Variants in G3BP2 observed in about 807,000 individuals in gnomAD.
G3BP2 encodes the protein G3BP stress granule assembly factor 2.
G3BP2 carries 11 observed loss-of-function variants against 56.7 expected under a neutral mutation model. The observed-to-expected ratio is 0.19, with a 90% CI of 0.12 to 0.32. G3BP2 has a LOEUF of 0.32. G3BP2 is among the 10% of genes least tolerant of loss of function. The pLI is 1.00. For synonymous variants in G3BP2, 165 were observed against 191.6 expected (o/e 0.86, Z 1.15); for missense variants, 340 against 610.9 (o/e 0.56, Z 4.67).
At chr4:75,682,751 G>A (rs1002157409) in intron 3 of G3BP2, among the ~76,000 whole-genome samples, 6 of 152,094 alleles carry the variant, frequency 3.9e-5, no homozygotes, top group Admixed American at 1.3e-4. Flanking sequence ...GGAGGCCAAG[G>A]CGGGCAGATC....
chr4:75,658,153 T>C (rs17000735), intron 3 of G3BP2, among the ~76,000 whole-genome samples: 1,568 of 152,338 alleles, frequency 0.01, 33 homozygotes, highest in African/African-American at 0.036. Context: ...ATAGGAAACA[T>C]ACATTTCTGT....
intron 3 of G3BP2, among the ~76,000 whole-genome samples, chr4:75,685,969 A>C (rs1718582870): frequency 6.6e-6 from 1 of 152,216 alleles, no homozygotes; most frequent in South Asian, 2.1e-4. Flanking sequence ...GAAGAAAGGA[A>C]GGGAAGTGTG....
At chr4:75,664,018 G>C (rs1382101420) in intron 1 of G3BP2, among the ~76,000 whole-genome samples, 1 of 150,576 alleles carries the variant, frequency 6.6e-6, no homozygotes, top group Admixed American at 6.6e-5. Flanking sequence ...CGAGTAGCTG[G>C]GACTACAGGC....
At chr4:75,655,275 A>G (rs772188629) in intron 6 of G3BP2, 29 bp from the exon 7 acceptor site, 1 of 1,519,418 alleles carries the variant, frequency 6.6e-7, no homozygotes, top group East Asian at 2.3e-5. Context: ...TTCACTTTTT[A>G]GTAGGAGTTC....
chr4:75,651,575 T>C (rs75757172), intron 8 of G3BP2, among the ~76,000 whole-genome samples: 1,567 of 152,340 alleles, frequency 0.01, 33 homozygotes, highest in African/African-American at 0.036. Context: ...AGTAACTGAT[T>C]GACATATGTT....
Position 75,650,074 on chromosome 4 carries a change from C to T in G3BP2, c.826-1333G>A, listed in dbSNP as rs544706772. Reference sequence around the variant, plus strand: ...TCTCTGAGGACCTCAGTCCATGCAGCGGCTCAAACTCTTTAATCATTTATA... The same window carrying T: ...TCTCTGAGGACCTCAGTCCATGCAGTGGCTCAAACTCTTTAATCATTTATA... On this transcript the variant is annotated intron_variant, in intron 8 of 11. Transcript: ENST00000359707. 1.2e-4 allele frequency among the ~76,000 whole-genome samples: 18 copies of T among 152,164 alleles called. 1 individual carries two copies. Among genetic ancestry groups the T allele is most frequent in the African/African-American group, 4.1e-4 (17 of 41,522 alleles).
chr4:75,705,964 T>TATATAC (rs1196330471), intron 3 of G3BP2, among the ~76,000 whole-genome samples: 2 of 152,160 alleles, frequency 1.3e-5, no homozygotes, highest in Admixed American at 1.3e-4. Flanking sequence ...ATACACAATA[T>TATATAC]ATATACATAT....
intron 3 of G3BP2, among the ~76,000 whole-genome samples, chr4:75,658,538 C>T (rs1732287322): frequency 6.6e-6 from 1 of 151,640 alleles, no homozygotes; most frequent in Admixed American, 6.6e-5. Flanking sequence ...CGAGACCAGC[C>T]TCAACATAGA....
chr4:75,710,969 T>C (rs2086443532), intron 3 of G3BP2, among the ~76,000 whole-genome samples: 2 of 152,180 alleles, frequency 1.3e-5, no homozygotes, highest in South Asian at 4.1e-4. Flanking sequence ...TGGCCCTGTC[T>C]GGCTTTATTT....
intron 3 of G3BP2, among the ~76,000 whole-genome samples, chr4:75,686,565 G>A (rs1308910634): frequency 2.4e-4 from 34 of 142,064 alleles, no homozygotes; most frequent in African/African-American, 7.4e-4. Flanking sequence ...GGTGGGTGGC[G>A]GGGGGTGGGG....
rs149135250 is a variant in G3BP2, at chr4:75,658,953, T to C, written c.96-29A>G. On this transcript the variant is annotated intron_variant, in intron 2 of 11. Coordinates refer to ENST00000359707, the MANE Select transcript of G3BP2 (RefSeq NM_203505.3). ...CAAAACCATAATTAATGATTAACAC[T>C]GAATTGTCAAGAGAAGCCTAAGAAG... 7.6e-5 allele frequency: 115 copies of C among 1,504,676 alleles called. No homozygotes were observed. In the East Asian group the frequency reaches 2.4e-3, roughly 32 times the overall value. 93.2% of individuals were successfully genotyped at this position (1,504,676 alleles called of 1,614,324 possible).
intron 1 of G3BP2, among the ~76,000 whole-genome samples, chr4:75,667,752 T>A (rs946537084): frequency 6.6e-6 from 1 of 152,180 alleles, no homozygotes; most frequent in Non-Finnish European, 1.5e-5. Context: ...TAGCCAGGCC[T>A]GGTGGTACGC....
chr4:75,718,701 C>T (rs1198214314), intron 3 of G3BP2, among the ~76,000 whole-genome samples: 2 of 152,130 alleles, frequency 1.3e-5, no homozygotes, highest in Non-Finnish European at 2.9e-5. Flanking sequence ...ACATCTCAAA[C>T]CTTAAACTAC....
chr4:75,661,738 T>C (rs545563272), intron 2 of G3BP2, 193 bp downstream of exon 2: 29 of 547,140 alleles, frequency 5.3e-5, no homozygotes, highest in South Asian at 1.9e-4. Context: ...GAATATGACA[T>C]AAAATGTTTT....
At chr4:75,702,626 T>C (rs779632338) in intron 3 of G3BP2, among the ~76,000 whole-genome samples, 6 of 152,256 alleles carry the variant, frequency 3.9e-5, no homozygotes, top group Non-Finnish European at 5.9e-5. Flanking sequence ...GGTGCAACTA[T>C]AGAAGCAAGC....
chr4:75,646,073 T>C (rs1032573126), intron 11 of G3BP2, among the ~76,000 whole-genome samples: 5 of 152,200 alleles, frequency 3.3e-5, no homozygotes, highest in Non-Finnish European at 7.3e-5. Flanking sequence ...CTTCCCAAAG[T>C]GCTGGGATTA....
intron 3 of G3BP2, among the ~76,000 whole-genome samples, chr4:75,718,680 G>A (rs771848417): frequency 2.6e-5 from 4 of 152,150 alleles, no homozygotes; most frequent in Non-Finnish European, 4.4e-5. Flanking sequence ...TGTGACTCAA[G>A]GCCAATCAGA....
chr4:75,703,576 A>AG (rs1370470164), intron 3 of G3BP2, among the ~76,000 whole-genome samples: 2 of 152,222 alleles, frequency 1.3e-5, no homozygotes, highest in Non-Finnish European at 2.9e-5. Context: ...ATAGACAAAC[A>AG]GGGTTTTTAG....
intron 1 of G3BP2, among the ~76,000 whole-genome samples, chr4:75,667,149 C>T (rs560616453): frequency 2.6e-4 from 39 of 151,872 alleles, no homozygotes; most frequent in Non-Finnish European, 2.5e-4. Flanking sequence ...ATTAGCGGGG[C>T]GTGGTAGTGT....
Sources: gnomAD v4.1 joint callset for allele counts (sites outside exome capture counted in the v4.1 genomes callset) on GRCh38, gnomAD v4.1.1 for gene constraint, MANE v1.5 for transcripts, NCBI Gene and HGNC (gene_info 2026-07-23, HGNC 2026-07-21) for gene names.